The following XRCC4 variants were observed in gnomAD, a reference collection of about 807,000 sequenced individuals.
XRCC4 encodes DNA repair protein XRCC4.
In XRCC4, 28 loss-of-function variants were observed where a neutral mutation model predicts 39.1. The observed-to-expected ratio is 0.72, with a 90% confidence interval of 0.53 to 0.98. The LOEUF is 0.98. XRCC4 is among the 50% of genes least tolerant of loss of function. The pLI is 0.00. For synonymous variants in XRCC4, 123 were observed against 126.4 expected (o/e 0.97, Z 0.18); for missense variants, 350 against 376.4 (o/e 0.93, Z 0.58).
chr5:83,121,021 T>G (rs1348912102), intron 3 of XRCC4, among the ~76,000 whole-genome samples: 2 of 152,246 alleles, frequency 1.3e-5, no homozygotes, highest in Admixed American at 1.3e-4. Flanking sequence ...ACATTATCCA[T>G]ACATTTAACC....
At chr5:83,133,791 A>G (rs536277573) in intron 3 of XRCC4, among the ~76,000 whole-genome samples, 1 of 136,070 alleles carries the variant, frequency 7.3e-6, no homozygotes, top group Admixed American at 7.1e-5. Context: ...AGGTGACAAC[A>G]TGCAAGCAGC....
the XRCC4 span, among the ~76,000 whole-genome samples, chr5:83,368,909 G>T: frequency 6.6e-6 from 1 of 152,066 alleles, no homozygotes; most frequent in Non-Finnish European, 1.5e-5. Context: ...AGGTAACAGG[G>T]AATATTAACC....
chr5:83,247,111 T>TC (rs1249806711), intron 6 of XRCC4, among the ~76,000 whole-genome samples: 8 of 152,220 alleles, frequency 5.3e-5, no homozygotes, highest in African/African-American at 1.9e-4. Flanking sequence ...CCAATTTAGT[T>TC]CCACAAACAG....
intron 3 of XRCC4, among the ~76,000 whole-genome samples, chr5:83,140,297 TC>T: frequency 6.6e-6 from 1 of 151,966 alleles, no homozygotes; most frequent in East Asian, 1.9e-4. Context: ...AGGCCAGAGA[TC>T]CCCCGCAAAC....
chr5:83,090,854 C>T (rs542007988), intron 1 of XRCC4, among the ~76,000 whole-genome samples: 111 of 152,152 alleles, frequency 7.3e-4, no homozygotes, highest in Non-Finnish European at 1.1e-3. Flanking sequence ...ATATCACACA[C>T]ACTCATTATT....
intron 7 of XRCC4, among the ~76,000 whole-genome samples, chr5:83,291,414 G>A (rs1185013252): frequency 4.0e-5 from 6 of 151,704 alleles, no homozygotes; most frequent in Non-Finnish European, 8.8e-5. Flanking sequence ...TATAAAATTT[G>A]CCTGTTTCCT....
At chr5:83,294,473 T>G (rs1755028639) in intron 7 of XRCC4, among the ~76,000 whole-genome samples, 1 of 152,092 alleles carries the variant, frequency 6.6e-6, no homozygotes. Flanking sequence ...CTCATGACTG[T>G]CAGTTAAACT....
chr5:83,323,851 A>G (rs1009237474), intron 7 of XRCC4, among the ~76,000 whole-genome samples: 1 of 152,134 alleles, frequency 6.6e-6, no homozygotes, highest in African/African-American at 2.4e-5. Context: ...TTATAAGCCA[A>G]ATGAAGATTT....
chr5:83,165,120 A>G (rs923693990), intron 3 of XRCC4, among the ~76,000 whole-genome samples: 3 of 152,054 alleles, frequency 2.0e-5, no homozygotes, highest in African/African-American at 7.2e-5. Flanking sequence ...ATTAGTAATA[A>G]TTTTTCTATT....
intron 6 of XRCC4, among the ~76,000 whole-genome samples, chr5:83,231,340 A>AT (rs1752488427): frequency 6.6e-6 from 1 of 151,928 alleles, no homozygotes; most frequent in Non-Finnish European, 1.5e-5. Flanking sequence ...CATATTTCAT[A>AT]TTTTTGTTTT....
chr5:83,349,846 T>G (rs991576471), intron 7 of XRCC4, among the ~76,000 whole-genome samples: 2 of 152,090 alleles, frequency 1.3e-5, no homozygotes, highest in Non-Finnish European at 2.9e-5. Context: ...AGGTTTAGGA[T>G]AGGGATCTCA....
chr5:83,118,970 A>G (rs1370388656), intron 3 of XRCC4, among the ~76,000 whole-genome samples: 1 of 152,186 alleles, frequency 6.6e-6, no homozygotes. Context: ...TCTGTATCTT[A>G]CTATATTTTA....
At chr5:83,225,292 T>C (rs1752244897) in intron 6 of XRCC4, among the ~76,000 whole-genome samples, 1 of 152,106 alleles carries the variant, frequency 6.6e-6, no homozygotes, top group African/African-American at 2.4e-5. Flanking sequence ...GGGTGTTGAA[T>C]GTGTGTTCTA....
chr5:83,090,348 G>A (rs1745367471), intron 1 of XRCC4, among the ~76,000 whole-genome samples: 1 of 151,742 alleles, frequency 6.6e-6, no homozygotes, highest in Non-Finnish European at 1.5e-5. Context: ...TGGGGTTGGG[G>A]GGGGCTCCCT....
chr5:83,335,157 T>C (rs1756556661), intron 7 of XRCC4, among the ~76,000 whole-genome samples: 1 of 151,968 alleles, frequency 6.6e-6, no homozygotes, highest in African/African-American at 2.4e-5. Context: ...CCTACCTAAG[T>C]TTTAGATATT....
chr5:83,353,856 C>T (rs1224777785), downstream of XRCC4: 1 of 151,864 alleles, frequency 6.6e-6, no homozygotes, highest in Non-Finnish European at 1.5e-5. Flanking sequence ...AAATGTAACC[C>T]CCTGTGTGGC....
In XRCC4 at chr5:83,194,027, G is replaced by A. The variant is rs1438465065; in HGVS notation, c.316-1743G>A. Among the ~76,000 whole-genome samples the A allele has an allele frequency of 6.6e-5, 10 of 152,224 alleles. No homozygotes were observed. In the East Asian group the frequency reaches 7.7e-4, roughly 12 times the overall value. On this transcript the variant is annotated intron_variant, in intron 3 of 7. Coordinates refer to ENST00000396027, the MANE Select transcript of XRCC4 (RefSeq NM_003401.5). The stretch of plus-strand genomic sequence containing the variant: ...AGGCTCACTGCAACCTGTGTCTCGC[G>A]GTTCAAGCGATCCTTGTGCCTCAGC...
chr5:83,169,745 A>T (rs1373006455), intron 3 of XRCC4, among the ~76,000 whole-genome samples: 4 of 152,176 alleles, frequency 2.6e-5, no homozygotes. Flanking sequence ...GTTAGTGTGC[A>T]GTATGACTTT....
intron 7 of XRCC4, among the ~76,000 whole-genome samples, chr5:83,283,814 G>T (rs1319069113): frequency 6.6e-6 from 1 of 151,852 alleles, no homozygotes; most frequent in Non-Finnish European, 1.5e-5. Context: ...ATCTTACTAT[G>T]ATCACATTGA....
Sources: allele counts gnomAD v4.1 joint callset (sites outside exome capture counted in the v4.1 genomes callset), GRCh38; gene constraint gnomAD v4.1.1; transcripts MANE v1.5; gene names NCBI Gene and HGNC (gene_info 2026-07-23, HGNC 2026-07-21).